Variants in AKT1S1 observed in about 807,000 individuals in gnomAD.
The protein encoded by AKT1S1 is proline-rich AKT1 substrate 1.
A neutral mutation model predicts 21.2 loss-of-function variants in AKT1S1; 17 were observed. The observed-to-expected ratio is 0.80, with a 90% confidence interval of 0.55 to 1.20. The LOEUF is 1.20. Ranked by LOEUF, AKT1S1 falls within the 50% of genes most tolerant of loss-of-function variation. The pLI, the probability that AKT1S1 is intolerant of heterozygous loss-of-function variation, is 0.00. For missense variants in AKT1S1, 366 were observed against 368.3 expected, an observed-to-expected ratio of 0.99 and a Z score of 0.05; for synonymous variants, 181 against 165.6, an observed-to-expected ratio of 1.09 and a Z score of -0.72.
chr19:49,877,757 G>A (rs776880920), upstream of AKT1S1: 1 of 1,590,264 alleles, frequency 6.3e-7, no homozygotes, highest in Non-Finnish European at 8.6e-7. Context: ...AAGCACTGAG[G>A]ACGCATTCCC....
chr19:49,877,962 C>T (rs554733090), upstream of AKT1S1: 18 of 721,792 alleles, frequency 2.5e-5, no homozygotes, highest in South Asian at 3.0e-4. Flanking sequence ...GCCCTGCCCC[C>T]TGTGGAACGC....
chr19:49,870,953 G>A (rs1436168850), intron 4 of AKT1S1, among the ~76,000 whole-genome samples: 1 of 152,152 alleles, frequency 6.6e-6, no homozygotes, highest in Non-Finnish European at 1.5e-5. Context: ...GGACTGTGGG[G>A]ACCCAGGCCT....
At chr19:49,877,398 G>C (rs1271366487), upstream of AKT1S1, 2 of 410,604 alleles carry the variant, frequency 4.9e-6, no homozygotes, top group Non-Finnish European at 8.8e-6. Flanking sequence ...GGAGAAGGAA[G>C]TGGGCGTTTC....
rs747511709 is a variant in AKT1S1 at position 49,871,726 on chromosome 19, A to G, written c.458-10T>C. On this transcript the variant is annotated splice_polypyrimidine_tract_variant and intron_variant, in intron 3 of 4. Coordinates refer to ENST00000344175, the MANE Select transcript of AKT1S1 (RefSeq NM_001098633.4). ...TCGCTCAGGCTGCCATCTGAAAGAG[A>G]GGGTGGACTTCAGCTTCTGTCCCTG... The G allele has an allele frequency of 1.2e-6, 2 of 1,611,792 alleles. No individual in the cohort carries two copies. The highest frequency in any genetic ancestry group is 1.7e-6 in the Non-Finnish European group (2 of 1,178,690).
chr19:49,869,874 TG>T lies in AKT1S1; in HGVS notation c.*42del, dbSNP rs753142684. On this transcript the variant is annotated 3_prime_UTR_variant, in exon 5 of 5. Coordinates refer to ENST00000344175, the MANE Select transcript of AKT1S1 (RefSeq NM_001098633.4). ...CCGGGAGTGGGGCGGGGGCGTAGTG[TG>T]GGACGGGGCGGACGCGGCCCGGGGC... The T allele has an allele frequency of 1.9e-5, 27 of 1,432,932 alleles. No homozygotes were observed. Among genetic ancestry groups the T allele is most frequent in the Non-Finnish European group, 2.4e-5 (26 of 1,077,278 alleles). The allele number at this position is 1,432,932 out of a possible 1,614,324, so 88.8% of individuals were successfully genotyped here.
At chr19:49,878,258 CAGG>C, upstream of AKT1S1, 1 of 1,552,628 alleles carries the variant, frequency 6.4e-7, no homozygotes. Context: ...TGGGAGGGAG[CAGG>C]GCTCGGACCC....
At position 49,873,499 on chromosome 19, in the gene AKT1S1, C is replaced by T. The variant is rs1438061117; in HGVS notation, c.-7-197G>A. The T allele has an allele frequency of 6.0e-5, 62 of 1,038,636 alleles. 1 individual carries two copies. The highest frequency in any genetic ancestry group is 5.2e-4 in the South Asian group (25 of 47,816). 64.3% of individuals were successfully genotyped at this position (1,038,636 alleles called of 1,614,324 possible). A position where few individuals can be genotyped will look rare whatever the true frequency, so the allele number is the denominator to read the frequency against. On this transcript the variant is annotated intron_variant, in intron 1 of 4. Transcript: ENST00000344175. The surrounding 1 kb of genome is among the most constrained non-coding windows in gnomAD (Gnocchi z 6.9). Reference sequence around the variant, plus strand: ...CAGTCCTCGCAGGCCCAGACCCTGGCGACGTCCTCTGCCCCAACCCATTCC... The same window carrying T: ...CAGTCCTCGCAGGCCCAGACCCTGGTGACGTCCTCTGCCCCAACCCATTCC...
rs760629319 is a variant in AKT1S1, at chr19:49,871,825, G to A, written c.444C>T (p.Pro148=). The change falls in exon 3 of 5, where the codon CCC becomes CCT. Residue 148 remains proline (P), a synonymous_variant. Coordinates refer to ENST00000344175, the MANE Select transcript of AKT1S1 (RefSeq NM_001098633.4). The stretch of plus-strand genomic sequence containing the variant: ...TGGGACACTCACCATCTGTACTCTC[G>A]GGGTCTGACTCACAGAAGGGGGGAA... ...QDLPPFCESD[P]ESTDDGSLSE... The A allele has an allele frequency of 1.2e-5, 20 of 1,611,726 alleles. No homozygotes were observed. The highest frequency in any genetic ancestry group is 6.8e-5 in the Admixed American group (4 of 59,170).
chr19:49,877,973 A>C (rs2074972043), upstream of AKT1S1: 3 of 698,630 alleles, frequency 4.3e-6, no homozygotes, highest in Non-Finnish European at 6.9e-6. Flanking sequence ...TGTGGAACGC[A>C]CGTCAGCATC....
chr19:49,877,689 GA>G (rs1487135451), upstream of AKT1S1: 4 of 1,596,622 alleles, frequency 2.5e-6, no homozygotes, highest in Non-Finnish European at 3.4e-6. Context: ...CTAGGAAAAG[GA>G]GGAGGCGGGG....
chr19:49,876,043 A>G, intron 1 of AKT1S1: 1 of 985,382 alleles, frequency 1.0e-6, no homozygotes, highest in Non-Finnish European at 1.2e-6. Flanking sequence ...GGATGCAGGG[A>G]GGAGGGAAAA....
At position 49,869,092 on chromosome 19, in the gene AKT1S1, T is replaced by TC. The variant is rs2074850133; in HGVS notation, c.*824dup. 1 of 152,394 alleles carries TC rather than the reference T, an allele frequency of 6.6e-6. No homozygotes were observed. Among genetic ancestry groups the TC allele is most frequent in the Non-Finnish European group, 1.5e-5 (1 of 68,026 alleles). 9.4% of individuals were successfully genotyped at this position (152,394 alleles called of 1,614,324 possible). On this transcript the variant is annotated 3_prime_UTR_variant, in exon 5 of 5. Coordinates refer to ENST00000344175, the MANE Select transcript of AKT1S1 (RefSeq NM_001098633.4). ...TCAGAGCGCCCCTCCCAACTGCCGA[T>TC]CCCCCAACCCCTCACTCTCTCCCCC...
upstream of AKT1S1, chr19:49,878,277 G>A (rs376664452): frequency 1.9e-5 from 29 of 1,539,592 alleles, 1 homozygote; most frequent in African/African-American, 8.2e-5. Flanking sequence ...GACCCGCTCC[G>A]AGCGGGATGC....
At chr19:49,875,633 G>A (rs1466862621) in intron 1 of AKT1S1, among the ~76,000 whole-genome samples, 1 of 152,226 alleles carries the variant, frequency 6.6e-6, no homozygotes, top group African/African-American at 2.4e-5. Flanking sequence ...GACATGCGGA[G>A]AAGAGGGGGA....
At chr19:49,872,830 T>C (rs1375201023) in intron 2 of AKT1S1, 87 bp downstream of exon 2, 1 of 1,444,776 alleles carries the variant, frequency 6.9e-7, no homozygotes, top group African/African-American at 1.4e-5. Context: ...AGAAGTACTC[T>C]GGGCTAAGCA....
At position 49,873,120 on chromosome 19, in the gene AKT1S1, C is replaced by T. The variant is rs575620933; in HGVS notation, c.176G>A (p.Arg59His). 14 of 1,542,620 alleles carry T rather than the reference C, an allele frequency of 9.1e-6. No individual in the cohort carries two copies. Among genetic ancestry groups the T allele is most frequent in the East Asian group, 4.9e-5 (2 of 41,168 alleles). ...CAGTGCGATGTCGTGGAGGCAACGG[C>T]GCGCTGCCTCCGCCAGGGCTCCTCG... Reference protein sequence around the residue: ...HGRGALAEAARRCLHDIALAH... With the variant: ...HGRGALAEAAHRCLHDIALAH... The change falls in exon 2 of 5, where the codon CGC becomes CAC. Residue 59 changes from arginine (R) to histidine (H), a missense_variant. By Grantham distance (29) the Arg-to-His change is conservative. Transcript: ENST00000344175. The surrounding 1 kb of genome is among the most constrained non-coding windows in gnomAD (Gnocchi z 6.9).
At chr19:49,876,310 A>T in intron 1 of AKT1S1, 1 of 1,174,520 alleles carries the variant, frequency 8.5e-7, no homozygotes. Context: ...GGGCGCCCCG[A>T]GGCCCCCCAA....
chr19:49,878,278 A>G, upstream of AKT1S1: 2 of 1,538,388 alleles, frequency 1.3e-6, no homozygotes, highest in Non-Finnish European at 1.8e-6. Flanking sequence ...ACCCGCTCCG[A>G]GCGGGATGCA....
chr19:49,872,889 G>A (rs779074956), intron 2 of AKT1S1, 28 bp downstream of exon 2: 20 of 1,578,250 alleles, frequency 1.3e-5, no homozygotes, highest in Middle Eastern at 1.8e-4. Context: ...GCGCTGGGCC[G>A]CACCCGCCCC....
Sources: allele counts gnomAD v4.1 joint callset (sites outside exome capture counted in the v4.1 genomes callset), GRCh38; gene constraint gnomAD v4.1.1; non-coding constraint Gnocchi (gnomAD v3.1); transcripts MANE v1.5; gene names NCBI Gene and HGNC (gene_info 2026-07-23, HGNC 2026-07-21).